Variants in ZNF804B observed in about 807,000 individuals in gnomAD.
ZNF804B encodes zinc finger 804B.
Under a neutral mutation model 101.4 loss-of-function variants are expected in ZNF804B, and 80 were observed. The ratio of observed to expected loss-of-function variants is 0.79; its 90% CI spans 0.66 to 0.95. The LOEUF is 0.95. Ranked by LOEUF, ZNF804B falls within the 40% of genes least tolerant of loss-of-function variation. ZNF804B has a pLI of 0.00. For missense variants in ZNF804B, 1,673 were observed against 1,561.9 expected, an observed-to-expected ratio of 1.07 and a Z score of -1.20; for synonymous variants, 622 against 558.8, an observed-to-expected ratio of 1.11 and a Z score of -1.59.
At chr7:88,936,082 C>A (rs927494354) in intron 1 of ZNF804B, among the ~76,000 whole-genome samples, 1 of 145,452 alleles carries the variant, frequency 6.9e-6, no homozygotes, top group African/African-American at 2.6e-5. Flanking sequence ...CTCTCTCCTT[C>A]CTTCCTTCAT....
At chr7:89,211,517 A>T (rs1406530766) in intron 1 of ZNF804B, among the ~76,000 whole-genome samples, 1 of 152,100 alleles carries the variant, frequency 6.6e-6, no homozygotes, top group African/African-American at 2.4e-5. Flanking sequence ...ATAAGTCCTT[A>T]ATCCATATTG....
At chr7:88,862,835 C>T (rs1003581495) in intron 1 of ZNF804B, among the ~76,000 whole-genome samples, 1 of 152,080 alleles carries the variant, frequency 6.6e-6, no homozygotes, top group Non-Finnish European at 1.5e-5. Context: ...ATACTATTCA[C>T]TATCCTGCAC....
intron 1 of ZNF804B, among the ~76,000 whole-genome samples, chr7:89,109,806 A>G (rs1790188587): frequency 6.6e-6 from 1 of 151,956 alleles, no homozygotes; most frequent in Non-Finnish European, 1.5e-5. Flanking sequence ...TTTCTGGGAG[A>G]TGAAATATTT....
chr7:89,017,498 G>C (rs1788587690), intron 1 of ZNF804B, among the ~76,000 whole-genome samples: 1 of 151,924 alleles, frequency 6.6e-6, no homozygotes, highest in South Asian at 2.1e-4. Flanking sequence ...TTGGCTATTT[G>C]GGATTTTTAT....
chr7:89,286,295 G>C (rs1388804134), intron 2 of ZNF804B, among the ~76,000 whole-genome samples: 1 of 151,936 alleles, frequency 6.6e-6, no homozygotes, highest in Non-Finnish European at 1.5e-5. Context: ...AAAAGAAGAA[G>C]AAGAAGAAAA....
chr7:88,852,441 T>G (rs1791461687), intron 1 of ZNF804B, among the ~76,000 whole-genome samples: 1 of 152,048 alleles, frequency 6.6e-6, no homozygotes, highest in African/African-American at 2.4e-5. Flanking sequence ...ATAGCCTGAT[T>G]TATGAGTACC....
Position 89,337,262 on chromosome 7 carries a change from G to A in ZNF804B, c.*230G>A, listed in dbSNP as rs999642260. ...TTGAATAATTTTATGAAAGCGTAGA[G>A]GGAAGAGGGAAAGAGTTAAAGATTT... On this transcript the variant is annotated 3_prime_UTR_variant, in exon 4 of 4. Transcript: ENST00000333190. 6.6e-6 allele frequency among the ~76,000 whole-genome samples: 1 copy of A among 152,110 alleles called. No homozygotes were observed. Among genetic ancestry groups the A allele is most frequent in the Non-Finnish European group, 1.5e-5 (1 of 68,006 alleles).
chr7:88,926,929 C>T (rs1026652744), intron 1 of ZNF804B, among the ~76,000 whole-genome samples: 10 of 85,964 alleles, frequency 1.2e-4, no homozygotes, highest in African/African-American at 6.6e-4. Flanking sequence ...AGATGTCTGC[C>T]GGGTGGTGGG....
At chr7:89,031,605 A>G (rs980888392) in intron 1 of ZNF804B, among the ~76,000 whole-genome samples, 6 of 151,876 alleles carry the variant, frequency 4.0e-5, no homozygotes, top group Non-Finnish European at 7.4e-5. Flanking sequence ...TTGTTCTGCC[A>G]TTAAAATTTA....
chr7:89,203,550 C>T (rs1372842796), intron 1 of ZNF804B, among the ~76,000 whole-genome samples: 1 of 152,016 alleles, frequency 6.6e-6, no homozygotes, highest in Non-Finnish European at 1.5e-5. Flanking sequence ...CATAGAGCTT[C>T]TGTAAAGCAT....
chr7:89,038,079 A>T (rs1248267266), intron 1 of ZNF804B, among the ~76,000 whole-genome samples: 3 of 152,158 alleles, frequency 2.0e-5, no homozygotes, highest in African/African-American at 7.2e-5. Flanking sequence ...TAATCTATTG[A>T]TGTGCACTTA....
At chr7:89,109,519 A>G (rs1790182817) in intron 1 of ZNF804B, among the ~76,000 whole-genome samples, 1 of 152,178 alleles carries the variant, frequency 6.6e-6, no homozygotes, top group Non-Finnish European at 1.5e-5. Context: ...CTTTGCACCC[A>G]GTTACTAGGA....
At chr7:88,961,576 G>T (rs1793385897) in intron 1 of ZNF804B, among the ~76,000 whole-genome samples, 1 of 151,318 alleles carries the variant, frequency 6.6e-6, no homozygotes, top group South Asian at 2.1e-4. Context: ...TTCAAGCACT[G>T]GTTTGTAAAG....
At chr7:88,950,038 T>C (rs1793193948) in intron 1 of ZNF804B, among the ~76,000 whole-genome samples, 1 of 151,942 alleles carries the variant, frequency 6.6e-6, no homozygotes, top group African/African-American at 2.4e-5. Context: ...CAATTTATTT[T>C]TGTATGTTAA....
chr7:89,033,875 GA>G (rs1788880616), intron 1 of ZNF804B, among the ~76,000 whole-genome samples: 2 of 151,894 alleles, frequency 1.3e-5, no homozygotes, highest in Non-Finnish European at 2.9e-5. Context: ...ATGTTATTTA[GA>G]AGATTAATTA....
At chr7:89,201,119 T>G (rs1336231770) in intron 1 of ZNF804B, among the ~76,000 whole-genome samples, 1 of 151,964 alleles carries the variant, frequency 6.6e-6, no homozygotes, top group Non-Finnish European at 1.5e-5. Context: ...TTTTTTCATT[T>G]TATATTACAG....
At chr7:88,823,788 G>A (rs748428386) in intron 1 of ZNF804B, among the ~76,000 whole-genome samples, 11 of 152,214 alleles carry the variant, frequency 7.2e-5, no homozygotes, top group Non-Finnish European at 1.3e-4. Context: ...GAAGGTGTTT[G>A]CTTACTGGCT....
intron 1 of ZNF804B, among the ~76,000 whole-genome samples, chr7:89,159,660 C>G (rs1791029619): frequency 6.6e-6 from 1 of 152,206 alleles, no homozygotes; most frequent in East Asian, 1.9e-4. Flanking sequence ...TGAACTCTTT[C>G]TTCCAATATT....
chr7:89,223,067 C>A (rs1431356353), intron 2 of ZNF804B, among the ~76,000 whole-genome samples: 1 of 151,722 alleles, frequency 6.6e-6, no homozygotes, highest in Non-Finnish European at 1.5e-5. Flanking sequence ...CCATTTGGTT[C>A]TTTCTTCTTT....
Sources: allele counts gnomAD v4.1 joint callset (sites outside exome capture counted in the v4.1 genomes callset), GRCh38; gene constraint gnomAD v4.1.1; transcripts MANE v1.5; gene names NCBI Gene and HGNC (gene_info 2026-07-23, HGNC 2026-07-21).